The following MTX2 variants were observed in gnomAD, a reference collection of about 807,000 sequenced individuals.
MTX2 encodes metaxin-2.
In MTX2, 35 loss-of-function variants were observed where a neutral mutation model predicts 42.3. The ratio of observed to expected loss-of-function variants is 0.83; its 90% CI spans 0.63 to 1.10. The LOEUF is 1.10. Among genes scored for constraint, MTX2 ranks in the 50% least tolerant of loss-of-function variants. The probability of loss-of-function intolerance (pLI) is 0.00; values close to 1 mark genes in which losing one functional copy is unlikely to be tolerated. For synonymous variants in MTX2, 119 were observed against 100.9 expected (o/e 1.18, Z -1.08); for missense variants, 307 against 304.1 (o/e 1.01, Z -0.07).
At chr2:176,308,502 C>G (rs1220098682) in intron 3 of MTX2, among the ~76,000 whole-genome samples, 1 of 152,116 alleles carries the variant, frequency 6.6e-6, no homozygotes, top group African/African-American at 2.4e-5. Flanking sequence ...TAGAATTTGT[C>G]TGTGAATCCA....
At chr2:176,271,253 A>C (rs762534384) in intron 1 of MTX2, among the ~76,000 whole-genome samples, 15 of 152,222 alleles carry the variant, frequency 9.9e-5, no homozygotes, top group South Asian at 2.1e-4. Context: ...TAAATTCCAG[A>C]TTGATTAAAG....
intron 1 of MTX2, among the ~76,000 whole-genome samples, chr2:176,281,883 A>G (rs1008756389): frequency 9.9e-5 from 15 of 152,154 alleles, no homozygotes; most frequent in Non-Finnish European, 2.1e-4. Context: ...ATGCATGCAT[A>G]TACAAATACT....
At chr2:176,295,106 C>T (rs939971578) in intron 1 of MTX2, among the ~76,000 whole-genome samples, 9 of 152,126 alleles carry the variant, frequency 5.9e-5, no homozygotes, top group Non-Finnish European at 1.0e-4. Context: ...GTATGCAAAT[C>T]GTAGTACAGT....
At chr2:176,312,490 G>A (rs1684338648) in intron 3 of MTX2, among the ~76,000 whole-genome samples, 1 of 151,996 alleles carries the variant, frequency 6.6e-6, no homozygotes, top group East Asian at 1.9e-4. Flanking sequence ...TAGATATCTT[G>A]TTTTTGCTTT....
chr2:176,269,508 C>G lies in MTX2; in HGVS notation c.-122C>G. 4 of 1,122,452 alleles carry G rather than the reference C, an allele frequency of 3.6e-6. No individual in the cohort carries two copies. The highest frequency in any genetic ancestry group is 2.9e-5 in the Admixed American group (1 of 34,518). 69.5% of individuals were successfully genotyped at this position (1,122,452 alleles called of 1,614,324 possible). On this transcript the variant is annotated 5_prime_UTR_variant, in exon 1 of 10. Transcript: ENST00000249442. ...CAGCCGCCGCTGCTGTTGGAGTGGG[C>G]TTTGCGAGTCTGAACGTTGGCGGGG...
chr2:176,285,099 G>A (rs181468950), intron 1 of MTX2, among the ~76,000 whole-genome samples: 2 of 152,294 alleles, frequency 1.3e-5, no homozygotes, highest in South Asian at 2.1e-4. Flanking sequence ...TAATTTAGTT[G>A]TGTGTTCACT....
chr2:176,291,132 A>G (rs903235737), intron 1 of MTX2, among the ~76,000 whole-genome samples: 31 of 152,320 alleles, frequency 2.0e-4, no homozygotes, highest in Non-Finnish European at 3.2e-4. Flanking sequence ...CACATTATAA[A>G]ACATACACTA....
At chr2:176,273,799 A>G (rs745385426) in intron 1 of MTX2, among the ~76,000 whole-genome samples, 6 of 152,060 alleles carry the variant, frequency 3.9e-5, no homozygotes, top group African/African-American at 1.2e-4. Context: ...TTAGATAACC[A>G]TAGTAGTCTC....
intron 3 of MTX2, among the ~76,000 whole-genome samples, chr2:176,311,431 TTCAGAGCTG>T (rs1684303319): frequency 6.6e-6 from 1 of 152,346 alleles, no homozygotes; most frequent in East Asian, 1.9e-4. Context: ...CACTGTTCTC[TTCAGAGCTG>T]TCAGACAGGG....
intron 9 of MTX2, among the ~76,000 whole-genome samples, chr2:176,336,199 A>G (rs1684983294): frequency 1.3e-5 from 2 of 152,180 alleles, no homozygotes; most frequent in South Asian, 2.1e-4. Context: ...TTTTAGTAAT[A>G]GTGCATTAGT....
chr2:176,270,709 T>C (rs1692786003), intron 1 of MTX2, among the ~76,000 whole-genome samples: 1 of 152,080 alleles, frequency 6.6e-6, no homozygotes, highest in East Asian at 1.9e-4. Flanking sequence ...CGTACATTTC[T>C]TTTTTTTCCT....
At position 176,328,844 on chromosome 2, in the gene MTX2, A is replaced by G. The variant is rs189082723; in HGVS notation, c.379-30A>G. 4,679 of 1,593,746 alleles carry G rather than the reference A, an allele frequency of 2.9e-3. 14 individuals carry two copies. The highest frequency in any genetic ancestry group is 3.4e-3 in the Non-Finnish European group (3,956 of 1,167,642). On this transcript the variant is annotated intron_variant, in intron 6 of 9. Coordinates refer to ENST00000249442, the MANE Select transcript of MTX2 (RefSeq NM_006554.5). ...TTATCCTTTTCCTCTTTGGTATTCTAAAGTTTAGTGACTGTTCTTTTGTTC... is the reference window on the plus strand; with the variant it reads ...TTATCCTTTTCCTCTTTGGTATTCTGAAGTTTAGTGACTGTTCTTTTGTTC...
intron 9 of MTX2, among the ~76,000 whole-genome samples, chr2:176,331,969 A>C (rs898165266): frequency 6.6e-6 from 1 of 151,276 alleles, no homozygotes; most frequent in Non-Finnish European, 1.5e-5. Context: ...TCATTGTGTT[A>C]GTAACCAGAG....
intron 3 of MTX2, among the ~76,000 whole-genome samples, chr2:176,305,367 T>G (rs887372959): frequency 2.7e-4 from 41 of 152,268 alleles, no homozygotes; most frequent in Admixed American, 1.0e-3. Context: ...AATATATATA[T>G]TTTTTCGTTT....
chr2:176,308,985 G>A (rs1049238402), intron 3 of MTX2, among the ~76,000 whole-genome samples: 29 of 152,092 alleles, frequency 1.9e-4, no homozygotes, highest in Admixed American at 2.0e-4. Flanking sequence ...TGTGATGTTA[G>A]GGTGTCGATT....
chr2:176,294,260 G>A (rs969614412), intron 1 of MTX2, among the ~76,000 whole-genome samples: 2 of 151,478 alleles, frequency 1.3e-5, no homozygotes, highest in African/African-American at 4.8e-5. Context: ...AGAATCCATG[G>A]GAGTGATGAT....
At chr2:176,275,498 C>G (rs34810567) in intron 1 of MTX2, among the ~76,000 whole-genome samples, 2,420 of 152,176 alleles carry the variant, frequency 0.016, 31 homozygotes, top group Middle Eastern at 0.027. Context: ...CTTAGCCTCC[C>G]AAAGTGCTGA....
intron 1 of MTX2, among the ~76,000 whole-genome samples, chr2:176,289,190 C>A (rs547845403): frequency 6.6e-6 from 1 of 151,992 alleles, no homozygotes; most frequent in South Asian, 2.1e-4. Flanking sequence ...GAAGCAAATA[C>A]TTATTTTTTT....
At chr2:176,286,251 A>G (rs1187716194) in intron 1 of MTX2, among the ~76,000 whole-genome samples, 1 of 152,192 alleles carries the variant, frequency 6.6e-6, no homozygotes, top group Non-Finnish European at 1.5e-5. Context: ...AAGAGTTTCT[A>G]ACATATTTTG....
Sources: gnomAD v4.1 joint callset for allele counts (sites outside exome capture counted in the v4.1 genomes callset) on GRCh38, gnomAD v4.1.1 for gene constraint, MANE v1.5 for transcripts, NCBI Gene and HGNC (gene_info 2026-07-23, HGNC 2026-07-21) for gene names.